Variants in PEX10 observed in about 807,000 individuals in gnomAD.
PEX10 encodes the protein peroxisomal biogenesis factor 10, also known as peroxisome biogenesis factor 10.
PEX10 carries 32 observed loss-of-function variants against 38.0 expected under a neutral mutation model. The ratio of observed to expected loss-of-function variants is 0.84; its 90% CI spans 0.63 to 1.13. The LOEUF (loss-of-function observed/expected upper bound fraction) is 1.13. Ranked by LOEUF, PEX10 falls within the 50% of genes most tolerant of loss-of-function variation. The pLI is 0.00. For missense variants in PEX10, 483 were observed against 457.7 expected, an observed-to-expected ratio of 1.06 and a Z score of -0.51; for synonymous variants, 206 against 207.3, an observed-to-expected ratio of 0.99 and a Z score of 0.05.
chr1:2,409,925 G>T lies in PEX10; in HGVS notation c.193+446C>A, dbSNP rs1225233591. ...TAGGGAACCAGGCTGGCACTCGGTG[G>T]TCCTTGCTACATGCTGAGCTGGGGT... On this transcript the variant is annotated intron_variant, in intron 2 of 5. Coordinates refer to ENST00000447513, the MANE Select transcript of PEX10 (RefSeq NM_002617.4). This position sits in a 1 kb window ranked among gnomAD's most constrained non-coding sequence, Gnocchi z 6.2. 2.8e-5 allele frequency: 6 copies of T among 216,758 alleles called. No individual in the cohort carries two copies. Among genetic ancestry groups the T allele is most frequent in the Admixed American group, 5.2e-5 (1 of 19,156 alleles). 13.4% of individuals were successfully genotyped at this position (216,758 alleles called of 1,614,324 possible).
At position 2,408,553 on chromosome 1, in the gene PEX10, G is replaced by C; in HGVS notation, c.499C>G (p.Leu167Val). Residue 167 changes from leucine to valine, a missense_variant, in exon 3 of 6, where the codon CTC becomes GTC. By Grantham distance (32) the Leu-to-Val change is conservative. Coordinates refer to ENST00000447513, the MANE Select transcript of PEX10 (RefSeq NM_002617.4). ...RRALLRAVFVLRQGLACLQRL... is the reference protein window; with the variant it reads ...RRALLRAVFVVRQGLACLQRL... ...TGGAGGCAGGCGAGGCCCTGTCTGA[G>C]GACGAAGACCGCCCGCAGCAGCGCC... 6.2e-7 allele frequency: 1 copy of C among 1,612,570 alleles called. No homozygotes were observed. Among genetic ancestry groups the C allele is most frequent in the East Asian group, 2.2e-5 (1 of 44,888 alleles).
chr1:2,405,730 G>A lies in PEX10; in HGVS notation c.*36C>T, dbSNP rs1295493469. The A allele has an allele frequency of 6.4e-7, 1 of 1,552,316 alleles. No individual in the cohort carries two copies. Among genetic ancestry groups the A allele is most frequent in the Non-Finnish European group, 8.8e-7 (1 of 1,138,894 alleles). ...AAATCTTGGCGTTCAGACTCCCGTAGAGGTCATCTGTGTCCAGGCCCACCC... is the reference window on the plus strand; with the variant it reads ...AAATCTTGGCGTTCAGACTCCCGTAAAGGTCATCTGTGTCCAGGCCCACCC... On this transcript the variant is annotated 3_prime_UTR_variant, in exon 6 of 6. Transcript: ENST00000447513.
In PEX10 at chr1:2,406,781, A is replaced by T. The variant is rs761935062; in HGVS notation, c.715T>A (p.Phe239Ile). 3 of 1,610,770 alleles carry T rather than the reference A, an allele frequency of 1.9e-6. No individual in the cohort carries two copies. In the South Asian group the frequency reaches 3.3e-5, roughly 18 times the overall value. ...TTCCTGGCTCGCTGCCGCTGCCTGA[A>T]ACCGTACAGCTGCAGCCCCATGGAC... ...VLSMGLQLYG[F>I]RQRQRARKEW... is the part of the protein sequence containing the mutation. The change falls in exon 4 of 6, where the codon TTC becomes ATC. Residue 239 changes from phenylalanine (F) to isoleucine (I), a missense_variant. Transcript: ENST00000447513.
intron 5 of PEX10, among the ~76,000 whole-genome samples, chr1:2,406,230 G>A (rs1045514258): frequency 1.3e-5 from 2 of 152,196 alleles, no homozygotes; most frequent in African/African-American, 4.8e-5. Flanking sequence ...CGTGGTGCAA[G>A]CGTGGGGCCT....
intron 3 of PEX10, among the ~76,000 whole-genome samples, chr1:2,407,704 T>G (rs917227308): frequency 6.6e-6 from 1 of 152,136 alleles, no homozygotes; most frequent in Non-Finnish European, 1.5e-5. Context: ...CACGGTGGCC[T>G]CCTGTTTAGG....
At chr1:2,407,499 G>C (rs1643049822) in intron 3 of PEX10, among the ~76,000 whole-genome samples, 2 of 152,222 alleles carry the variant, frequency 1.3e-5, no homozygotes, top group South Asian at 4.1e-4. Context: ...ATGGGCCCTG[G>C]GTGTCCAGCC....
intron 3 of PEX10, 77 bp downstream of exon 3, chr1:2,408,375 C>T (rs1643076413): frequency 1.3e-6 from 2 of 1,516,552 alleles, no homozygotes; most frequent in African/African-American, 2.7e-5. Context: ...GGAGGGCCAG[C>T]TCTGTGCATG....
At chr1:2,407,034 A>G (rs1643034382) in intron 3 of PEX10, 139 bp from the exon 4 acceptor site, 1 of 1,231,950 alleles carries the variant, frequency 8.1e-7, no homozygotes, top group Non-Finnish European at 1.2e-6. Flanking sequence ...GCCCGGCAGA[A>G]ACGATCAAGC....
Position 2,410,311 on chromosome 1 carries a change from C to T in PEX10, c.193+60G>A, listed in dbSNP as rs373091552. 77 of 1,455,244 alleles carry T rather than the reference C, an allele frequency of 5.3e-5. No individual in the cohort carries two copies. The highest frequency in any genetic ancestry group is 6.7e-5 in the Non-Finnish European group (69 of 1,036,188). The allele number at this position is 1,455,244 out of a possible 1,614,324, so 90.1% of individuals were successfully genotyped here. A position where few individuals can be genotyped will look rare whatever the true frequency, so the allele number is the denominator to read the frequency against. On this transcript the variant is annotated intron_variant, in intron 2 of 5. Transcript: ENST00000447513. The surrounding 1 kb of genome is among the most constrained non-coding windows in gnomAD (Gnocchi z 5.1). ...CACTGCCTGGCAGCCCCCTGGCCAC[C>T]GTCCCCAGACTTGGTGTGTGTGGCT...
upstream of PEX10, among the ~76,000 whole-genome samples, chr1:2,412,946 C>T (rs559505991): frequency 3.8e-4 from 58 of 152,342 alleles, no homozygotes; most frequent in Admixed American, 1.5e-3. Context: ...CGCTGCAGGC[C>T]CATTTACGGC....
Position 2,412,379 on chromosome 1 carries a change from C to G in PEX10, c.112+12G>C. 7.3e-7 allele frequency: 1 copy of G among 1,368,716 alleles called. No homozygotes were observed. Among genetic ancestry groups the G allele is most frequent in the Non-Finnish European group, 9.4e-7 (1 of 1,066,876 alleles). The allele number at this position is 1,368,716 out of a possible 1,614,324, so 84.8% of individuals were successfully genotyped here. A position where few individuals can be genotyped will look rare whatever the true frequency, so the allele number is the denominator to read the frequency against. ...CCGCTCGCGAGGACGTCCGGCCGCG[C>G]CCGGCCCTCACCCGCCAGGCTGTGC... is the stretch of plus-strand genomic sequence containing the variant. On this transcript the variant is annotated intron_variant, in intron 1 of 5. Transcript: ENST00000447513.
At position 2,410,934 on chromosome 1, in the gene PEX10, G is replaced by GT. The variant is rs1286853840; in HGVS notation, c.113-484dup. On this transcript the variant is annotated intron_variant, in intron 1 of 5. Coordinates refer to ENST00000447513, the MANE Select transcript of PEX10 (RefSeq NM_002617.4). This position sits in a 1 kb window ranked among gnomAD's most constrained non-coding sequence, Gnocchi z 5.1. Reference sequence around the variant, plus strand: ...ACTGGGAACAGTGTCTGGCACAGGGGTAAGTGCCAAGTGTACTGTAAAACA... The same window carrying GT: ...ACTGGGAACAGTGTCTGGCACAGGGGTTAAGTGCCAAGTGTACTGTAAAACA... 2.2e-6 allele frequency: 1 copy of GT among 453,364 alleles called. No individual in the cohort carries two copies. 28.1% of individuals were successfully genotyped at this position (453,364 alleles called of 1,614,324 possible).
At chr1:2,406,417 GCAGC>G in intron 5 of PEX10, 63 bp downstream of exon 5, 1 of 1,594,188 alleles carries the variant, frequency 6.3e-7, no homozygotes, top group Non-Finnish European at 8.5e-7. Context: ...CACTTCTGCT[GCAGC>G]CAGGTGCATC....
At chr1:2,411,396 C>T (rs542965472) in intron 1 of PEX10, among the ~76,000 whole-genome samples, 1 of 152,190 alleles carries the variant, frequency 6.6e-6, no homozygotes, top group African/African-American at 2.4e-5. Flanking sequence ...CCACGCCCTG[C>T]TGATTTTTGT....
chr1:2,412,275 C>A, intron 1 of PEX10, 116 bp downstream of exon 1: 2 of 1,245,310 alleles, frequency 1.6e-6, no homozygotes, highest in Non-Finnish European at 2.0e-6. Flanking sequence ...TGCCGGGTCC[C>A]AGGTTGTGGG....
In PEX10 at chr1:2,405,116, A is replaced by T. The variant is rs902628417; in HGVS notation, c.*650T>A. 1 of 160,504 alleles carries T rather than the reference A, an allele frequency of 6.2e-6. No individual in the cohort carries two copies. Among genetic ancestry groups the T allele is most frequent in the Non-Finnish European group, 1.4e-5 (1 of 72,312 alleles). The allele number at this position is 160,504 out of a possible 1,614,324, so 9.9% of individuals were successfully genotyped here. A position where few individuals can be genotyped will look rare whatever the true frequency, so the allele number is the denominator to read the frequency against. On this transcript the variant is annotated 3_prime_UTR_variant, in exon 6 of 6. Coordinates refer to ENST00000447513, the MANE Select transcript of PEX10 (RefSeq NM_002617.4). ...GCTGAGATGCAGATTTCTGTTTTCT[A>T]AAACTGGAAGCGACCTTGACGTGTA...
Position 2,409,484 on chromosome 1 carries a change from T to C in PEX10, c.194-626A>G, listed in dbSNP as rs1643115759. Among the ~76,000 whole-genome samples, 1 of 151,946 alleles carries C rather than the reference T, an allele frequency of 6.6e-6. No individual in the cohort carries two copies. The highest frequency in any genetic ancestry group is 6.6e-5 in the Admixed American group (1 of 15,260). On this transcript the variant is annotated intron_variant, in intron 2 of 5. Coordinates refer to ENST00000447513, the MANE Select transcript of PEX10 (RefSeq NM_002617.4). This position sits in a 1 kb window ranked among gnomAD's most constrained non-coding sequence, Gnocchi z 6.2. ...CCCTGCATGCACCTTCCCTGTGTGT[T>C]CCACCCCCTCGCTGCCGCCCCTGCT...
rs1642919112 is a variant in PEX10 at position 2,404,085 on chromosome 1, C to G, written c.*1681G>C. On this transcript the variant is annotated 3_prime_UTR_variant, in exon 6 of 6. Transcript: ENST00000447513. ...TCGAAAGGTGACCCATATTGCACAG[C>G]AGAACATCACAGCTGTGGTCCCAGA... The G allele has an allele frequency of 6.6e-6, 1 of 152,254 alleles. No homozygotes were observed. Among genetic ancestry groups the G allele is most frequent in the South Asian group, 2.1e-4 (1 of 4,838 alleles). 9.4% of individuals were successfully genotyped at this position (152,254 alleles called of 1,614,324 possible).
chr1:2,410,280 T>C lies in PEX10; in HGVS notation c.193+91A>G. The stretch of plus-strand genomic sequence containing the variant: ...CCTCACCCGGGCCAGCTCCAGGAGC[T>C]TCTCACACTGCCTGGCAGCCCCCTG... On this transcript the variant is annotated intron_variant, in intron 2 of 5. Coordinates refer to ENST00000447513, the MANE Select transcript of PEX10 (RefSeq NM_002617.4). This position sits in a 1 kb window ranked among gnomAD's most constrained non-coding sequence, Gnocchi z 5.1. The C allele has an allele frequency of 8.8e-7, 1 of 1,140,874 alleles. No homozygotes were observed. Among genetic ancestry groups the C allele is most frequent in the African/African-American group, 1.5e-5 (1 of 65,790 alleles). 70.7% of individuals were successfully genotyped at this position (1,140,874 alleles called of 1,614,324 possible).
Sources: gnomAD v4.1 joint callset for allele counts (sites outside exome capture counted in the v4.1 genomes callset) on GRCh38, gnomAD v4.1.1 for gene constraint, Gnocchi (gnomAD v3.1) non-coding constraint, MANE v1.5 for transcripts, NCBI Gene and HGNC (gene_info 2026-07-23, HGNC 2026-07-21) for gene names.